Variants in SHE observed in about 807,000 individuals in gnomAD.
SHE encodes the protein Src homology 2 domain containing E.
A neutral mutation model predicts 49.8 loss-of-function variants in SHE; 11 were observed. The ratio of observed to expected loss-of-function variants is 0.22; its 90% confidence interval spans 0.14 to 0.37. SHE has a LOEUF of 0.37. SHE is among the 10% of genes least tolerant of loss of function. The probability of loss-of-function intolerance (pLI) is 1.00; values close to 1 mark genes in which losing one functional copy is unlikely to be tolerated. For synonymous variants in SHE, 310 were observed against 278.1 expected (o/e 1.11, Z -1.14); for missense variants, 624 against 655.5 (o/e 0.95, Z 0.52).
chr1:154,501,490 A>G lies in SHE; in HGVS notation c.537T>C (p.Pro179=). The part of the protein sequence containing the change: ...SSSSSSASSS[P]SSLGPELDKG... Reference sequence around the variant, plus strand: ...TGTCCAGCTCGGGCCCCAGGGAGGAAGGGGAAGAGGACGCGGAGGAAGAGG... The same window carrying G: ...TGTCCAGCTCGGGCCCCAGGGAGGAGGGGGAAGAGGACGCGGAGGAAGAGG... Residue 179 remains proline (P), a synonymous_variant, in exon 1 of 6, where the codon CCT becomes CCC. Transcript: ENST00000304760. The G allele has an allele frequency of 6.2e-7, 1 of 1,614,152 alleles. No homozygotes were observed. The highest frequency in any genetic ancestry group is 2.2e-5 in the East Asian group (1 of 44,872).
At position 154,482,927 on chromosome 1, in the gene SHE, A is replaced by G; in HGVS notation, c.*1222T>C. The G allele has an allele frequency of 1.0e-6, 1 of 985,104 alleles. No homozygotes were observed. The highest frequency in any genetic ancestry group is 1.2e-6 in the Non-Finnish European group (1 of 829,626). The allele number at this position is 985,104 out of a possible 1,614,324, so 61.0% of individuals were successfully genotyped here. The stretch of plus-strand genomic sequence containing the variant: ...ATTTTTAAAAAATTTACTACAAAGC[A>G]AATCTAATTTTAGAGACAAAAATTA... On this transcript the variant is annotated 3_prime_UTR_variant, in exon 6 of 6. Coordinates refer to ENST00000304760, the MANE Select transcript of SHE (RefSeq NM_001010846.3).
At position 154,501,972 on chromosome 1, in the gene SHE, G is replaced by A; in HGVS notation, c.55C>T (p.Leu19Phe). The A allele has an allele frequency of 7.0e-7, 1 of 1,424,180 alleles. No homozygotes were observed. Among genetic ancestry groups the A allele is most frequent in the Non-Finnish European group, 9.1e-7 (1 of 1,099,154 alleles). 88.2% of individuals were successfully genotyped at this position (1,424,180 alleles called of 1,614,324 possible). A position where few individuals can be genotyped will look rare whatever the true frequency, so the allele number is the denominator to read the frequency against. ...ASACLGWASS[L>F]ACSTAPTLLG... ...AGCGTCGGGGCCGTGGAGCAGGCGA[G>A]CGAGGAAGCCCAGCCCAGACACGCA... The change falls in exon 1 of 6, where the codon CTC becomes TTC. Residue 19 changes from leucine (L) to phenylalanine (F), a missense_variant. Physicochemically the swap from Leu to Phe is conservative, Grantham distance 22. Transcript: ENST00000304760.
At chr1:154,476,410 C>T (rs963927340), downstream of SHE, among the ~76,000 whole-genome samples, 13 of 152,010 alleles carry the variant, frequency 8.6e-5, no homozygotes, top group Admixed American at 1.3e-4. Context: ...TTTGGGAGGT[C>T]GAGGCAGGCA....
At chr1:154,484,976 A>G (rs1422786206) in intron 5 of SHE, 3 of 151,818 alleles carry the variant, frequency 2.0e-5, no homozygotes, top group Admixed American at 1.3e-4. Flanking sequence ...AAAAAAAAAA[A>G]AAAGAAAAAG....
At position 154,490,022 on chromosome 1, in the gene SHE, C is replaced by T. The variant is rs371514032; in HGVS notation, c.719-666G>A. ...TACTGAATGCATATCACTTTTGCAC[C>T]ACTGTAAAGGTTGAAAATTATAGTC... On this transcript the variant is annotated intron_variant, in intron 2 of 5. Coordinates refer to ENST00000304760, the MANE Select transcript of SHE (RefSeq NM_001010846.3). 2.0e-5 allele frequency among the ~76,000 whole-genome samples: 3 copies of T among 152,188 alleles called. No individual in the cohort carries two copies. In the East Asian group the frequency reaches 5.8e-4, roughly 29 times the overall value.
rs1432110079 is a variant in SHE at position 154,481,629 on chromosome 1, T to C, written c.*2520A>G. The stretch of plus-strand genomic sequence containing the variant: ...TTTATTAAAATTAGAATAACTGCTG[T>C]ATTCCCTTTGTAGAATAAGGTTAAG... On this transcript the variant is annotated 3_prime_UTR_variant, in exon 6 of 6. Coordinates refer to ENST00000304760, the MANE Select transcript of SHE (RefSeq NM_001010846.3). 1 of 984,224 alleles carries C rather than the reference T, an allele frequency of 1.0e-6. No individual in the cohort carries two copies. Among genetic ancestry groups the C allele is most frequent in the African/African-American group, 1.7e-5 (1 of 57,208 alleles). The allele number at this position is 984,224 out of a possible 1,614,324, so 61.0% of individuals were successfully genotyped here.
intron 2 of SHE, among the ~76,000 whole-genome samples, chr1:154,490,395 G>A (rs1272123552): frequency 6.6e-6 from 1 of 152,206 alleles, no homozygotes; most frequent in Non-Finnish European, 1.5e-5. Flanking sequence ...GAAAACTGAA[G>A]CACAAAGAGT....
intron 1 of SHE, among the ~76,000 whole-genome samples, chr1:154,501,175 A>T (rs547851276): frequency 3.9e-5 from 6 of 152,360 alleles, no homozygotes; most frequent in African/African-American, 1.4e-4. Context: ...TATCTCATTC[A>T]ACGACTCTTC....
At chr1:154,498,645 G>A (rs1010607185) in intron 2 of SHE, among the ~76,000 whole-genome samples, 2 of 147,216 alleles carry the variant, frequency 1.4e-5, no homozygotes, top group Non-Finnish European at 3.0e-5. Context: ...TGATCTGCCC[G>A]CCTCTCTCCC....
At chr1:154,498,810 T>C (rs1385817844) in intron 2 of SHE, among the ~76,000 whole-genome samples, 6 of 152,186 alleles carry the variant, frequency 3.9e-5, no homozygotes, top group Non-Finnish European at 7.3e-5. Flanking sequence ...AAAATGTATA[T>C]AATCATGTTA....
chr1:154,481,694 G>C lies in SHE; in HGVS notation c.*2455C>G. 1.0e-6 allele frequency: 1 copy of C among 964,232 alleles called. No homozygotes were observed. Among genetic ancestry groups the C allele is most frequent in the Non-Finnish European group, 1.2e-6 (1 of 810,720 alleles). The allele number at this position is 964,232 out of a possible 1,614,324, so 59.7% of individuals were successfully genotyped here. ...TTCTAGAATGTTAAACTAAAAATAA[G>C]TTTAACACAATGAATAATTTGTATA... On this transcript the variant is annotated 3_prime_UTR_variant, in exon 6 of 6. Coordinates refer to ENST00000304760, the MANE Select transcript of SHE (RefSeq NM_001010846.3).
downstream of SHE, among the ~76,000 whole-genome samples, chr1:154,477,002 C>A (rs1477507454): frequency 6.6e-6 from 1 of 152,148 alleles, no homozygotes; most frequent in Non-Finnish European, 1.5e-5. Flanking sequence ...AAATGATAAC[C>A]TCATGCCTCA....
intron 3 of SHE, among the ~76,000 whole-genome samples, chr1:154,488,085 G>C (rs1692238329): frequency 6.6e-6 from 1 of 151,074 alleles, no homozygotes; most frequent in Non-Finnish European, 1.5e-5. Flanking sequence ...TGGGACTACA[G>C]GTGCGTGCCA....
chr1:154,495,243 AAACT>A (rs1692489828), intron 2 of SHE, among the ~76,000 whole-genome samples: 1 of 152,232 alleles, frequency 6.6e-6, no homozygotes, highest in Non-Finnish European at 1.5e-5. Context: ...GCGGTGGCTA[AAACT>A]CCTAATGCTA....
exon 2 of SHE, chr1:154,470,347 G>A (rs1691712397): frequency 1.6e-6 from 2 of 1,289,248 alleles, no homozygotes; most frequent in Non-Finnish European, 2.0e-6. Flanking sequence ...GAACTTAGGA[G>A]AGCAGATGGT....
rs965660691 is a variant in SHE at position 154,502,002 on chromosome 1, C to G, written c.25G>C (p.Ala9Pro). The G allele has an allele frequency of 2.6e-5, 36 of 1,388,386 alleles. No individual in the cohort carries two copies. The highest frequency in any genetic ancestry group is 1.8e-4 in the Admixed American group (5 of 28,218). The allele number at this position is 1,388,386 out of a possible 1,614,324, so 86.0% of individuals were successfully genotyped here. Residue 9 changes from alanine to proline, a missense_variant, in exon 1 of 6, where the codon GCC becomes CCC. By Grantham distance (27) the Ala-to-Pro change is conservative (BLOSUM62 -1). This residue lies in a region of SHE where 337 missense variants were observed against 306.0 expected (regional missense o/e 1.10). Transcript: ENST00000304760. Reference sequence around the variant, plus strand: ...GAAGCCCAGCCCAGACACGCAGAGGCGCCAGGGGTCGGGGACCACTGCATT... The same window carrying G: ...GAAGCCCAGCCCAGACACGCAGAGGGGCCAGGGGTCGGGGACCACTGCATT... MQWSPTPG[A>P]SACLGWASSL...
chr1:154,475,029 C>G (rs16836028), downstream of SHE, among the ~76,000 whole-genome samples: 92 of 152,202 alleles, frequency 6.0e-4, 1 homozygote, highest in East Asian at 0.016. Context: ...AATGCTGTGT[C>G]TGGGAGCAAA....
intron 2 of SHE, among the ~76,000 whole-genome samples, chr1:154,497,504 C>A (rs545217819): frequency 6.6e-6 from 1 of 152,192 alleles, no homozygotes; most frequent in African/African-American, 2.4e-5. Context: ...ATTTAAGTAT[C>A]ATTTACATCA....
chr1:154,496,722 T>C (rs1021530262), intron 2 of SHE, among the ~76,000 whole-genome samples: 5 of 151,444 alleles, frequency 3.3e-5, no homozygotes, highest in Admixed American at 1.3e-4. Flanking sequence ...TGTAGTCCCC[T>C]AGCTTATAGA....
Sources: allele counts gnomAD v4.1 joint callset (sites outside exome capture counted in the v4.1 genomes callset), GRCh38; gene constraint gnomAD v4.1.1; regional missense constraint gnomAD v4.1.1; transcripts MANE v1.5; gene names NCBI Gene and HGNC (gene_info 2026-07-23, HGNC 2026-07-21).